USH2A: variants seen among roughly 807,000 people sequenced by gnomAD.
USH2A encodes Usher syndrome 2A (autosomal recessive, mild).
USH2A carries 443 observed loss-of-function variants against 538.9 expected under a neutral mutation model. The observed-to-expected ratio is 0.82, with a 90% confidence interval of 0.76 to 0.89. USH2A has a LOEUF of 0.89. USH2A is among the 40% of genes least tolerant of loss of function. The pLI, the probability that USH2A is intolerant of heterozygous loss-of-function variation, is 0.00. For missense variants in USH2A, 6,633 were observed against 6,324.8 expected (o/e 1.05, Z -1.65); for synonymous variants, 2,413 against 2,273.5 (o/e 1.06, Z -1.75).
At chr1:215,909,096 A>G (rs777314353) in intron 38 of USH2A, among the ~76,000 whole-genome samples, 27 of 151,320 alleles carry the variant, frequency 1.8e-4, no homozygotes, top group Non-Finnish European at 2.5e-4. Flanking sequence ...GTGTATATAT[A>G]TAATAATTCA....
At chr1:215,682,512 T>TA (rs1658270266) in intron 61 of USH2A, among the ~76,000 whole-genome samples, 1 of 152,050 alleles carries the variant, frequency 6.6e-6, no homozygotes, top group Non-Finnish European at 1.5e-5. Flanking sequence ...AGGCAACCAT[T>TA]AAAAAAATAA....
At chr1:215,896,534 C>T (rs1665346890) in intron 40 of USH2A, among the ~76,000 whole-genome samples, 1 of 152,028 alleles carries the variant, frequency 6.6e-6, no homozygotes. Flanking sequence ...ATAGTTAACA[C>T]AAGGCAGGAT....
intron 3 of USH2A, among the ~76,000 whole-genome samples, chr1:216,387,483 CCAA>C: frequency 6.6e-6 from 1 of 152,186 alleles, no homozygotes; most frequent in Non-Finnish European, 1.5e-5. Flanking sequence ...CTATCCAAGA[CCAA>C]TATTGTCACA....
At chr1:216,416,267 T>C (rs2039574963) in intron 3 of USH2A, among the ~76,000 whole-genome samples, 1 of 152,174 alleles carries the variant, frequency 6.6e-6, no homozygotes, top group Non-Finnish European at 1.5e-5. Context: ...AGCTCCATTT[T>C]AGAGTAAATA....
intron 56 of USH2A, among the ~76,000 whole-genome samples, chr1:215,762,643 G>A (rs536659278): frequency 1.3e-5 from 2 of 152,296 alleles, no homozygotes; most frequent in South Asian, 4.1e-4. Flanking sequence ...ATCTTTGCTA[G>A]AGTAAGACAA....
intron 49 of USH2A, among the ~76,000 whole-genome samples, chr1:215,799,694 T>A (rs575920854): frequency 6.6e-6 from 1 of 152,248 alleles, no homozygotes; most frequent in South Asian, 2.1e-4. Flanking sequence ...GGGATAAGAA[T>A]AAGATAATCC....
chr1:215,869,357 T>C (rs758111771), intron 43 of USH2A, among the ~76,000 whole-genome samples: 1 of 152,174 alleles, frequency 6.6e-6, no homozygotes, highest in Non-Finnish European at 1.5e-5. Context: ...ATCTGTTCTG[T>C]CCATACTTGG....
intron 26 of USH2A, among the ~76,000 whole-genome samples, chr1:216,080,486 G>T (rs2031905629): frequency 6.6e-6 from 1 of 152,030 alleles, no homozygotes; most frequent in South Asian, 2.1e-4. Context: ...GAAAGGTGTG[G>T]TAGGGGCAGG....
At chr1:215,640,797 CT>C (rs1326294928) in intron 67 of USH2A, 63 bp from the exon 68 acceptor site, 17 of 1,045,378 alleles carry the variant, frequency 1.6e-5, no homozygotes, top group South Asian at 5.3e-5. Flanking sequence ...CAGGTGTGCA[CT>C]TTAAAAAAAA....
At chr1:216,144,244 T>G (rs1220477600) in intron 21 of USH2A, among the ~76,000 whole-genome samples, 1 of 152,150 alleles carries the variant, frequency 6.6e-6, no homozygotes, top group Admixed American at 6.5e-5. Flanking sequence ...AATACGACCC[T>G]TTTGGAGAAC....
At chr1:215,905,272 T>A (rs1665610223) in intron 38 of USH2A, among the ~76,000 whole-genome samples, 1 of 152,094 alleles carries the variant, frequency 6.6e-6, no homozygotes, top group Non-Finnish European at 1.5e-5. Context: ...TCTCAGGACA[T>A]CCCACCAACA....
At chr1:216,076,146 A>G (rs1004680694) in intron 27 of USH2A, among the ~76,000 whole-genome samples, 2 of 152,168 alleles carry the variant, frequency 1.3e-5, no homozygotes, top group Admixed American at 6.5e-5. Context: ...AGGGGTCCCT[A>G]ACATCTGTAT....
chr1:216,198,254 A>C, intron 18 of USH2A, 61 bp downstream of exon 18: 1 of 1,611,054 alleles, frequency 6.2e-7, no homozygotes, highest in Non-Finnish European at 8.5e-7. Flanking sequence ...TTTGACTTTA[A>C]TTTGAGGAAA....
In USH2A at chr1:215,627,453, C is replaced by CTTCTTTCCTTCCTTCT. The variant is rs1553248038; in HGVS notation, c.15519+1360_15519+1361insAGAAGGAAGGAAAGAA. Among the ~76,000 whole-genome samples, 90 of 104,832 alleles carry CTTCTTTCCTTCCTTCT rather than the reference C, an allele frequency of 8.6e-4. 5 individuals are homozygous for CTTCTTTCCTTCCTTCT. The highest frequency in any genetic ancestry group is 2.5e-3 in the Admixed American group (24 of 9,756). The allele number at this position is 104,832 out of a possible 152,430, so 68.8% of individuals were successfully genotyped here. A position where few individuals can be genotyped will look rare whatever the true frequency, so the allele number is the denominator to read the frequency against. On this transcript the variant is annotated intron_variant, in intron 71 of 71. Coordinates refer to ENST00000307340, the MANE Select transcript of USH2A (RefSeq NM_206933.4). The stretch of plus-strand genomic sequence containing the variant: ...CCTTCCTTCCTTCCTTCCTTCCTTC[C>CTTCTTTCCTTCCTTCT]TTCCTTCCTTCCTTCCTTCCTTCCT...
intron 11 of USH2A, among the ~76,000 whole-genome samples, chr1:216,262,060 A>T (rs997411682): frequency 1.3e-5 from 2 of 152,188 alleles, no homozygotes; most frequent in Non-Finnish European, 2.9e-5. Context: ...ACTTATCTAC[A>T]GGAGTAAATC....
intron 21 of USH2A, among the ~76,000 whole-genome samples, chr1:216,104,153 G>T (rs569500101): frequency 1.1e-4 from 17 of 151,758 alleles, no homozygotes; most frequent in South Asian, 2.1e-4. Flanking sequence ...TGTCATGTTG[G>T]TGTGCTGCAC....
At chr1:215,722,667 T>C (rs1659695434) in intron 61 of USH2A, among the ~76,000 whole-genome samples, 1 of 152,204 alleles carries the variant, frequency 6.6e-6, no homozygotes, top group Non-Finnish European at 1.5e-5. Flanking sequence ...TTCTGGATTT[T>C]ATTCCCAGAT....
intron 11 of USH2A, among the ~76,000 whole-genome samples, chr1:216,268,126 A>C (rs943265193): frequency 1.3e-5 from 2 of 152,096 alleles, no homozygotes; most frequent in African/African-American, 4.8e-5. Context: ...CTGAATTAAA[A>C]TTGAGGGTTC....
At chr1:216,053,125 T>C (rs1479245741) in intron 30 of USH2A, among the ~76,000 whole-genome samples, 1 of 152,200 alleles carries the variant, frequency 6.6e-6, no homozygotes, top group East Asian at 1.9e-4. Flanking sequence ...CAGTAACAGA[T>C]TGATACATAA....
Sources: gnomAD v4.1 joint callset for allele counts (sites outside exome capture counted in the v4.1 genomes callset) on GRCh38, gnomAD v4.1.1 for gene constraint, MANE v1.5 for transcripts, NCBI Gene and HGNC (gene_info 2026-07-23, HGNC 2026-07-21) for gene names.